Variants in DCBLD1 observed in about 807,000 individuals in gnomAD.
DCBLD1 encodes the protein discoidin, CUB and LCCL domain-containing protein 1.
A neutral mutation model predicts 71.5 loss-of-function variants in DCBLD1; 57 were observed. The observed-to-expected ratio is 0.80, with a 90% CI of 0.64 to 0.99. DCBLD1 has a LOEUF of 0.99. DCBLD1 is among the 50% of genes least tolerant of loss of function. DCBLD1 has a pLI of 0.00. For synonymous variants in DCBLD1, 380 were observed against 363.8 expected (o/e 1.04, Z -0.51); for missense variants, 891 against 923.5 (o/e 0.96, Z 0.46).
chr6:117,504,115 A>G, intron 2 of DCBLD1, 136 bp downstream of exon 2: 1 of 914,602 alleles, frequency 1.1e-6, no homozygotes. Context: ...CTTGGGGGTA[A>G]CTTAGAAGGA....
At chr6:117,568,559 G>A (rs923765292) in intron 14 of DCBLD1, among the ~76,000 whole-genome samples, 1 of 152,194 alleles carries the variant, frequency 6.6e-6, no homozygotes, top group Non-Finnish European at 1.5e-5. Context: ...TAACTTAAGA[G>A]AATAGCGTAG....
intron 4 of DCBLD1, among the ~76,000 whole-genome samples, chr6:117,522,946 A>G (rs1000862590): frequency 2.0e-5 from 3 of 152,234 alleles, no homozygotes; most frequent in African/African-American, 7.2e-5. Context: ...ACATTTGGAC[A>G]TTCTAATGAA....
chr6:117,527,484 AG>A (rs1778581617), intron 5 of DCBLD1, among the ~76,000 whole-genome samples: 1 of 152,242 alleles, frequency 6.6e-6, no homozygotes, highest in Admixed American at 6.5e-5. Context: ...CTGTTGAAGA[AG>A]GAGGTACCCT....
At chr6:117,543,044 A>G in intron 11 of DCBLD1, 80 bp from the exon 12 acceptor site, 1 of 1,207,644 alleles carries the variant, frequency 8.3e-7, no homozygotes, top group Middle Eastern at 1.9e-4. Context: ...AGACTTTTCA[A>G]TTCCATGTTC....
intron 2 of DCBLD1, among the ~76,000 whole-genome samples, chr6:117,519,062 G>A (rs1470399053): frequency 2.6e-5 from 4 of 152,130 alleles, no homozygotes; most frequent in Admixed American, 6.5e-5. Context: ...ATTGTCTTGC[G>A]TATGTTACTT....
chr6:117,556,394 C>T (rs1368274640), intron 14 of DCBLD1, among the ~76,000 whole-genome samples: 2 of 152,136 alleles, frequency 1.3e-5, no homozygotes, highest in Non-Finnish European at 2.9e-5. Flanking sequence ...TCTGTAGTCT[C>T]CAACGTCTAT....
intron 5 of DCBLD1, 63 bp downstream of exon 5, chr6:117,525,497 A>C (rs1178147895): frequency 1.2e-5 from 15 of 1,218,980 alleles, no homozygotes; most frequent in Non-Finnish European, 1.5e-5. Flanking sequence ...ACTCTGCCTA[A>C]ATTAATTACT....
chr6:117,546,998 CCT>C lies in DCBLD1; in HGVS notation c.1616-905_1616-904del, dbSNP rs199960438. Among the ~76,000 whole-genome samples the C allele has an allele frequency of 6.6e-4, 100 of 152,320 alleles. 1 individual carries two copies. The East Asian group carries it at 0.018, about 27-fold the overall frequency. ...GCCTCCCGGCTTTCCTCACACCCCACCTCTCATTGGTAACAAATTCCTGATTC... is the reference window on the plus strand; with the variant it reads ...GCCTCCCGGCTTTCCTCACACCCCACCTCATTGGTAACAAATTCCTGATTC... On this transcript the variant is annotated intron_variant, in intron 14 of 14. Coordinates refer to ENST00000338728, the MANE Select transcript of DCBLD1 (RefSeq NM_001366458.2).
intron 4 of DCBLD1, among the ~76,000 whole-genome samples, chr6:117,525,106 A>C (rs1290975304): frequency 6.6e-6 from 1 of 152,190 alleles, no homozygotes; most frequent in Non-Finnish European, 1.5e-5. Flanking sequence ...AGAATCAAGT[A>C]AAGTGCATTA....
chr6:117,519,795 A>T lies in DCBLD1; in HGVS notation c.326-21A>T, dbSNP rs779415401. 8 of 1,597,948 alleles carry T rather than the reference A, an allele frequency of 5.0e-6. 1 individual carries two copies. The South Asian group carries it at 8.8e-5, about 18-fold the overall frequency. ...GCTGGTATAAATTTTGAAATGTGCC[A>T]CAAGTGTGCTTTGTTTTTAGGTCCA... On this transcript the variant is annotated intron_variant, in intron 2 of 14. Transcript: ENST00000338728.
rs151130262 is a variant in DCBLD1, at chr6:117,561,232, A to G, written c.1616-8388A>G. 12 of 223,738 alleles carry G rather than the reference A, an allele frequency of 5.4e-5. No homozygotes were observed. In the East Asian group the frequency reaches 7.8e-4, roughly 15 times the overall value. The allele number at this position is 223,738 out of a possible 1,614,324, so 13.9% of individuals were successfully genotyped here. On this transcript the variant is annotated intron_variant, in intron 14 of 14. Coordinates refer to the DCBLD1 transcript ENST00000296955. ...AATCTCACACAATTCTTCAAATTAC[A>G]CAGTGACCTCATAAAAATTCCAACT...
intron 2 of DCBLD1, 35 bp downstream of exon 2, chr6:117,504,014 A>G (rs897047300): frequency 1.2e-6 from 2 of 1,609,716 alleles, no homozygotes. Context: ...CTGAGCATCA[A>G]AATTTTTGAT....
At chr6:117,498,000 T>G (rs183030305) in intron 1 of DCBLD1, among the ~76,000 whole-genome samples, 2 of 152,340 alleles carry the variant, frequency 1.3e-5, no homozygotes, top group Admixed American at 1.3e-4. Flanking sequence ...TGTTTTCATG[T>G]TAAATATTCT....
intron 5 of DCBLD1, among the ~76,000 whole-genome samples, chr6:117,531,913 G>A (rs1778734335): frequency 6.6e-6 from 1 of 152,156 alleles, no homozygotes; most frequent in South Asian, 2.1e-4. Context: ...TGAGTTTGAG[G>A]GTGAGCAATT....
At chr6:117,559,189 T>G (rs1258060190) in intron 14 of DCBLD1, among the ~76,000 whole-genome samples, 3 of 152,192 alleles carry the variant, frequency 2.0e-5, no homozygotes, top group African/African-American at 7.2e-5. Context: ...ATCTAGCCTC[T>G]CTAAGAAGCA....
At chr6:117,486,411 T>TTAGC (rs1246654278) in intron 1 of DCBLD1, among the ~76,000 whole-genome samples, 1 of 152,230 alleles carries the variant, frequency 6.6e-6, no homozygotes, top group African/African-American at 2.4e-5. Flanking sequence ...TCAATAAATG[T>TTAGC]TAGCTATCTT....
chr6:117,490,093 GCA>G (rs34912807), intron 1 of DCBLD1, among the ~76,000 whole-genome samples: 3,256 of 147,094 alleles, frequency 0.022, 55 homozygotes, highest in South Asian at 0.072. Flanking sequence ...TTATGTAAAT[GCA>G]CACACACACA....
chr6:117,555,870 A>T (rs967816647), intron 14 of DCBLD1, among the ~76,000 whole-genome samples: 2 of 152,240 alleles, frequency 1.3e-5, no homozygotes, highest in Non-Finnish European at 2.9e-5. Context: ...CTGAAAGCTG[A>T]CAATTTTATC....
chr6:117,551,630 C>T (rs141225872), downstream of DCBLD1, among the ~76,000 whole-genome samples: 2,250 of 152,286 alleles, frequency 0.015, 52 homozygotes, highest in African/African-American at 0.052. Flanking sequence ...CCGCCATCCT[C>T]GGCCTCCCAA....
Sources: gnomAD v4.1 joint callset for allele counts (sites outside exome capture counted in the v4.1 genomes callset) on GRCh38, gnomAD v4.1.1 for gene constraint, MANE v1.5 for transcripts, NCBI Gene and HGNC (gene_info 2026-07-23, HGNC 2026-07-21) for gene names.